Variants in ENOX1 observed in about 807,000 individuals in gnomAD.
ENOX1 encodes the protein ecto-NOX disulfide-thiol exchanger 1, also known as candidate growth-related and time keeping constitutive hydroquinone (NADH) oxidase.
ENOX1 carries 42 observed loss-of-function variants against 82.5 expected under a neutral mutation model. The ratio of observed to expected loss-of-function variants is 0.51; its 90% CI spans 0.40 to 0.66. The LOEUF (loss-of-function observed/expected upper bound fraction) is 0.66. Among genes scored for constraint, ENOX1 ranks in the 30% least tolerant of loss-of-function variants. The pLI is 0.00. For synonymous variants in ENOX1, 271 were observed against 282.2 expected, an observed-to-expected ratio of 0.96 and a Z score of 0.40; for missense variants, 608 against 811.6, an observed-to-expected ratio of 0.75 and a Z score of 3.05.
At chr13:43,427,362 A>G (rs1009623592) in intron 3 of ENOX1, among the ~76,000 whole-genome samples, 2 of 152,212 alleles carry the variant, frequency 1.3e-5, no homozygotes, top group Non-Finnish European at 2.9e-5. Context: ...ACAAAAGAAA[A>G]TAAACTAAGG....
chr13:43,715,180 G>T (rs1594535965), intron 1 of ENOX1, among the ~76,000 whole-genome samples: 1 of 152,136 alleles, frequency 6.6e-6, no homozygotes, highest in African/African-American at 2.4e-5. Flanking sequence ...AGCTTAGTTT[G>T]GCTGGATATG....
intron 14 of ENOX1, among the ~76,000 whole-genome samples, chr13:43,239,291 C>G (rs1296875282): frequency 6.6e-6 from 1 of 152,060 alleles, no homozygotes; most frequent in Non-Finnish European, 1.5e-5. Flanking sequence ...GTCCAGCAGG[C>G]CTTGGCTTGA....
At chr13:43,261,641 A>G (rs1316662717) in intron 14 of ENOX1, among the ~76,000 whole-genome samples, 1 of 151,718 alleles carries the variant, frequency 6.6e-6, no homozygotes, top group Non-Finnish European at 1.5e-5. Context: ...CATATACACC[A>G]TGGAATACTA....
Position 43,667,396 on chromosome 13 carries a change from A to T in ENOX1, c.-219+83T>A, listed in dbSNP as rs189316195. On this transcript the variant is annotated intron_variant, in intron 2 of 16. Coordinates refer to ENST00000690772, the MANE Select transcript of ENOX1 (RefSeq NM_001347969.2). ...AAGACACACATTAGAGAATGATGCCAGAGGTATAATTAAACTACATCCCTT... is the reference window on the plus strand; with the variant it reads ...AAGACACACATTAGAGAATGATGCCTGAGGTATAATTAAACTACATCCCTT... 49 of 881,710 alleles carry T rather than the reference A, an allele frequency of 5.6e-5. No homozygotes were observed. The Admixed American group carries it at 9.9e-4, about 18-fold the overall frequency. 54.6% of individuals were successfully genotyped at this position (881,710 alleles called of 1,614,324 possible). A position where few individuals can be genotyped will look rare whatever the true frequency, so the allele number is the denominator to read the frequency against.
intron 3 of ENOX1, among the ~76,000 whole-genome samples, chr13:43,440,351 T>C (rs982053178): frequency 2.0e-5 from 3 of 152,222 alleles, no homozygotes; most frequent in South Asian, 2.1e-4. Flanking sequence ...AGTGGCTAAC[T>C]TGAAGAGCCA....
At chr13:43,575,213 A>G (rs561286676) in intron 2 of ENOX1, among the ~76,000 whole-genome samples, 3 of 152,362 alleles carry the variant, frequency 2.0e-5, no homozygotes, top group South Asian at 2.1e-4. Context: ...GGGACTGCAC[A>G]GGACTTTCTC....
chr13:43,658,449 G>T (rs1382292524), intron 2 of ENOX1, among the ~76,000 whole-genome samples: 2 of 152,050 alleles, frequency 1.3e-5, no homozygotes, highest in African/African-American at 4.8e-5. Flanking sequence ...GAATAATTCT[G>T]GTTGTGTTAA....
chr13:43,718,278 A>G (rs186537830), intron 1 of ENOX1, among the ~76,000 whole-genome samples: 1 of 152,354 alleles, frequency 6.6e-6, no homozygotes, highest in Admixed American at 6.5e-5. Flanking sequence ...TTAATGCAAC[A>G]GAAAACCAAA....
chr13:43,782,399 TAG>T (rs572658845), intron 1 of ENOX1, among the ~76,000 whole-genome samples: 225 of 152,278 alleles, frequency 1.5e-3, no homozygotes, highest in African/African-American at 5.3e-3. Context: ...CAGTGGAAAA[TAG>T]ATTTTTTTTA....
At chr13:43,582,841 T>C (rs1252494225) in intron 2 of ENOX1, among the ~76,000 whole-genome samples, 1 of 152,192 alleles carries the variant, frequency 6.6e-6, no homozygotes, top group East Asian at 1.9e-4. Flanking sequence ...TCTGTGCAAA[T>C]AATTTCAAAA....
chr13:43,317,087 A>T lies in ENOX1; in HGVS notation c.1261+5297T>A, dbSNP rs568210235. Reference sequence around the variant, plus strand: ...TTATCCTTCTATGCTTCCACTCAACACAGACACCCCTGCCCTTGGGGTCTG... The same window carrying T: ...TTATCCTTCTATGCTTCCACTCAACTCAGACACCCCTGCCCTTGGGGTCTG... On this transcript the variant is annotated intron_variant, in intron 11 of 16. Transcript: ENST00000690772. Among the ~76,000 whole-genome samples, 183 of 152,274 alleles carry T rather than the reference A, an allele frequency of 1.2e-3. 1 individual carries two copies. Among genetic ancestry groups the T allele is most frequent in the Non-Finnish European group, 2.3e-3 (155 of 68,016 alleles).
At chr13:43,457,898 T>A (rs1359506008) in intron 3 of ENOX1, among the ~76,000 whole-genome samples, 1 of 152,178 alleles carries the variant, frequency 6.6e-6, no homozygotes, top group Admixed American at 6.5e-5. Context: ...AATATATCTA[T>A]TTTTTGGCTC....
intron 1 of ENOX1, among the ~76,000 whole-genome samples, chr13:43,766,084 C>T (rs905200685): frequency 9.9e-5 from 15 of 152,172 alleles, no homozygotes; most frequent in African/African-American, 2.7e-4. Context: ...TGCATTTTTC[C>T]GCTTGGACAT....
chr13:43,680,772 C>A (rs1469564934), intron 1 of ENOX1, among the ~76,000 whole-genome samples: 1 of 152,110 alleles, frequency 6.6e-6, no homozygotes, highest in Non-Finnish European at 1.5e-5. Flanking sequence ...GAACATACAA[C>A]CCATGAACTA....
chr13:43,767,956 CG>C (rs141019031), intron 1 of ENOX1, among the ~76,000 whole-genome samples: 2 of 152,052 alleles, frequency 1.3e-5, no homozygotes, highest in Non-Finnish European at 2.9e-5. Context: ...CTAAGAGAGT[CG>C]GGGGGGAGCG....
intron 2 of ENOX1, among the ~76,000 whole-genome samples, chr13:43,592,093 C>T (rs931621778): frequency 2.6e-5 from 4 of 152,124 alleles, no homozygotes; most frequent in Admixed American, 6.5e-5. Context: ...TATTTTTCAC[C>T]GTGTGTGCTC....
At chr13:43,421,538 T>C (rs1192608348) in intron 3 of ENOX1, among the ~76,000 whole-genome samples, 1 of 152,122 alleles carries the variant, frequency 6.6e-6, no homozygotes, top group Non-Finnish European at 1.5e-5. Context: ...CACTGAACTT[T>C]TTCCTGAAGT....
At chr13:43,423,183 G>A (rs1289363998) in intron 3 of ENOX1, among the ~76,000 whole-genome samples, 2 of 152,110 alleles carry the variant, frequency 1.3e-5, no homozygotes, top group Non-Finnish European at 2.9e-5. Flanking sequence ...TATGAAATAC[G>A]TAATGGCTCA....
chr13:43,305,853 G>A (rs965944968), intron 11 of ENOX1, among the ~76,000 whole-genome samples: 2 of 152,218 alleles, frequency 1.3e-5, no homozygotes, highest in African/African-American at 4.8e-5. Flanking sequence ...GATGCCTTTA[G>A]AGTCCTCCGG....
Sources: allele counts gnomAD v4.1 joint callset (sites outside exome capture counted in the v4.1 genomes callset), GRCh38; gene constraint gnomAD v4.1.1; transcripts MANE v1.5; gene names NCBI Gene and HGNC (gene_info 2026-07-23, HGNC 2026-07-21).